NKAIN2: variants seen among roughly 807,000 people sequenced by gnomAD.
The protein encoded by NKAIN2 is sodium/potassium transporting ATPase interacting 2.
In NKAIN2, 14 loss-of-function variants were observed where a neutral mutation model predicts 32.6. The ratio of observed to expected loss-of-function variants is 0.43; its 90% CI spans 0.28 to 0.67. The LOEUF (loss-of-function observed/expected upper bound fraction) is 0.67, where lower values mean the gene tolerates loss of function less well. Ranked by LOEUF, NKAIN2 falls within the 30% of genes least tolerant of loss-of-function variation. The pLI is 0.17. For missense variants in NKAIN2, 198 were observed against 258.3 expected, an observed-to-expected ratio of 0.77 and a Z score of 1.60; for synonymous variants, 80 against 87.2, an observed-to-expected ratio of 0.92 and a Z score of 0.46.
At chr6:123,910,578 A>G (rs1259763042) in intron 1 of NKAIN2, among the ~76,000 whole-genome samples, 1 of 133,696 alleles carries the variant, frequency 7.5e-6, no homozygotes, top group Non-Finnish European at 1.5e-5. Flanking sequence ...ATCTCAGCTC[A>G]TTGCAACCTC....
chr6:124,103,582 A>G (rs1364334456), intron 1 of NKAIN2, among the ~76,000 whole-genome samples: 2 of 152,182 alleles, frequency 1.3e-5, no homozygotes, highest in South Asian at 4.1e-4. Context: ...AATGCCTTCA[A>G]ATGTATTTGA....
rs187049904 is a variant in NKAIN2 at position 124,220,192 on chromosome 6, A to C, written c.55-62813A>C. Among the ~76,000 whole-genome samples the C allele has an allele frequency of 8.5e-5, 13 of 152,144 alleles. No homozygotes were observed. In the East Asian group the frequency reaches 2.5e-3, roughly 29 times the overall value. On this transcript the variant is annotated intron_variant, in intron 1 of 6. Transcript: ENST00000368417. ...TCTCACAGAAACTGCTGGTTTTATA[A>C]GGGGCTCTTCTCCTTCTCTTTCTCA...
intron 1 of NKAIN2, among the ~76,000 whole-genome samples, chr6:124,249,839 G>A (rs367712140): frequency 1.1e-4 from 16 of 152,070 alleles, no homozygotes; most frequent in East Asian, 3.9e-4. Context: ...AAGCTAATAT[G>A]AGATCTCAAC....
At chr6:123,869,915 G>C (rs941427528) in intron 1 of NKAIN2, among the ~76,000 whole-genome samples, 2 of 152,114 alleles carry the variant, frequency 1.3e-5, no homozygotes. Flanking sequence ...ACTTGTGCCT[G>C]ATTTTCCACA....
intron 1 of NKAIN2, among the ~76,000 whole-genome samples, chr6:123,944,870 T>G (rs1465154133): frequency 6.6e-6 from 1 of 152,064 alleles, no homozygotes; most frequent in Non-Finnish European, 1.5e-5. Flanking sequence ...GCATTTCACC[T>G]TACCCTGTGG....
chr6:124,406,608 T>A (rs987583847), intron 3 of NKAIN2, among the ~76,000 whole-genome samples: 2 of 152,094 alleles, frequency 1.3e-5, no homozygotes, highest in Non-Finnish European at 2.9e-5. Flanking sequence ...AGTGGTATAA[T>A]GGCTGGATTA....
intron 1 of NKAIN2, among the ~76,000 whole-genome samples, chr6:124,212,045 A>G (rs1322856439): frequency 2.0e-5 from 3 of 152,108 alleles, no homozygotes; most frequent in Admixed American, 2.0e-4. Context: ...ATAAGAACAG[A>G]ATATGATTAT....
chr6:124,207,258 C>T (rs563643902), intron 1 of NKAIN2, among the ~76,000 whole-genome samples: 12 of 151,476 alleles, frequency 7.9e-5, no homozygotes, highest in African/African-American at 2.9e-4. Context: ...TACCACTGTA[C>T]TCCAGCCTGG....
chr6:124,724,191 A>G (rs1211464995), intron 4 of NKAIN2, among the ~76,000 whole-genome samples: 1 of 152,108 alleles, frequency 6.6e-6, no homozygotes, highest in African/African-American at 2.4e-5. Context: ...AGAGGTTTAA[A>G]TACTAAGCCC....
intron 1 of NKAIN2, among the ~76,000 whole-genome samples, chr6:124,146,746 A>AG (rs1787429112): frequency 6.6e-6 from 1 of 152,198 alleles, no homozygotes; most frequent in Non-Finnish European, 1.5e-5. Context: ...ACAAACACAA[A>AG]TCACAAAAAA....
chr6:124,310,738 G>C (rs961527280), intron 2 of NKAIN2, among the ~76,000 whole-genome samples: 2 of 152,154 alleles, frequency 1.3e-5, no homozygotes, highest in African/African-American at 4.8e-5. Flanking sequence ...TTATGATCTT[G>C]ATTCTTAGAT....
In NKAIN2 at chr6:124,590,504, C is replaced by T. The variant is rs147237394; in HGVS notation, c.274-67682C>T. ...AGATCTCAAAGACAAGGGGATGTGG[C>T]GTTGAAACGGGAACATGAGAGCCGA... is the stretch of plus-strand genomic sequence containing the variant. On this transcript the variant is annotated intron_variant, in intron 3 of 6. Coordinates refer to ENST00000368417, the MANE Select transcript of NKAIN2 (RefSeq NM_001040214.3). Among the ~76,000 whole-genome samples the T allele has an allele frequency of 4.0e-4, 57 of 141,768 alleles. No individual in the cohort carries two copies. The East Asian group carries it at 0.015, about 37-fold the overall frequency. 93.0% of individuals were successfully genotyped at this position (141,768 alleles called of 152,430 possible).
chr6:124,410,025 G>C (rs62436306), intron 3 of NKAIN2, among the ~76,000 whole-genome samples: 24,496 of 151,982 alleles, frequency 0.16, 2,259 homozygotes, highest in East Asian at 0.24. Flanking sequence ...TATTTCTGTG[G>C]GATCGGTGGT....
intron 3 of NKAIN2, among the ~76,000 whole-genome samples, chr6:124,459,268 C>T (rs553677118): frequency 2.0e-5 from 3 of 151,940 alleles, no homozygotes; most frequent in African/African-American, 7.2e-5. Flanking sequence ...TGAACAAAGT[C>T]CGCAAAATAA....
chr6:124,020,377 T>C (rs1464901288), intron 1 of NKAIN2, among the ~76,000 whole-genome samples: 2 of 152,166 alleles, frequency 1.3e-5, no homozygotes, highest in Non-Finnish European at 2.9e-5. Context: ...CATTTCTTCT[T>C]ATGCAGTTTA....
chr6:123,842,665 T>C (rs1411643349), intron 1 of NKAIN2, among the ~76,000 whole-genome samples: 1 of 151,906 alleles, frequency 6.6e-6, no homozygotes, highest in Admixed American at 6.5e-5. Context: ...GACTCTTGTC[T>C]ATGTTTTTGT....
intron 3 of NKAIN2, among the ~76,000 whole-genome samples, chr6:124,487,669 C>T (rs538876241): frequency 1.1e-4 from 17 of 152,172 alleles, no homozygotes; most frequent in African/African-American, 3.4e-4. Flanking sequence ...CCTTGCCTAT[C>T]GGTGATCATT....
chr6:123,850,445 T>C (rs1489023741), intron 1 of NKAIN2, among the ~76,000 whole-genome samples: 2 of 151,812 alleles, frequency 1.3e-5, no homozygotes, highest in Non-Finnish European at 2.9e-5. Context: ...GTCAATGTTA[T>C]CAACAAAGAG....
rs150082756 is a variant in NKAIN2, at chr6:124,579,862, G to A, written c.274-78324G>A. ...AAAGAAATTAATAACATACAATGGC[G>A]CTCCAATACATCTGGCAGCAGGTTT... is the stretch of plus-strand genomic sequence containing the variant. On this transcript the variant is annotated intron_variant, in intron 3 of 6. Coordinates refer to ENST00000368417, the MANE Select transcript of NKAIN2 (RefSeq NM_001040214.3). Among the ~76,000 whole-genome samples the A allele has an allele frequency of 2.5e-3, 383 of 152,252 alleles. 1 individual carries two copies. Among genetic ancestry groups the A allele is most frequent in the African/African-American group, 8.7e-3 (360 of 41,538 alleles).
Sources: allele counts gnomAD v4.1 joint callset (sites outside exome capture counted in the v4.1 genomes callset), GRCh38; gene constraint gnomAD v4.1.1; transcripts MANE v1.5; gene names NCBI Gene and HGNC (gene_info 2026-07-23, HGNC 2026-07-21).